The following FLOT1 variants were observed in gnomAD, a reference collection of about 807,000 sequenced individuals.
FLOT1 encodes the protein flotillin 1.
FLOT1 carries 40 observed loss-of-function variants against 58.4 expected under a neutral mutation model. That is an observed-to-expected ratio of 0.69 (90% CI 0.53 to 0.89). The LOEUF (loss-of-function observed/expected upper bound fraction) is 0.89. Ranked by LOEUF, FLOT1 falls within the 40% of genes least tolerant of loss-of-function variation. The pLI is 0.00. For synonymous variants in FLOT1, 178 were observed against 204.2 expected (o/e 0.87, Z 1.09); for missense variants, 423 against 540.8 (o/e 0.78, Z 2.16).
At position 30,737,226 on chromosome 6, in the gene FLOT1, G is replaced by GTCCA. The variant is rs1298103754; in HGVS notation, c.723+2931_723+2932insTGGA. Among the ~76,000 whole-genome samples, 181 of 139,818 alleles carry GTCCA rather than the reference G, an allele frequency of 1.3e-3. 3 individuals carry two copies. The East Asian group carries it at 0.021, about 16-fold the overall frequency. 91.7% of individuals were successfully genotyped at this position (139,818 alleles called of 152,430 possible). A position where few individuals can be genotyped will look rare whatever the true frequency, so the allele number is the denominator to read the frequency against. ...CTGTCTGTCGTCCGTCCGTCCGTCC[G>GTCCA]TCCGTCCGTCCGTCCGTCCGTCCAT... is the stretch of plus-strand genomic sequence containing the variant. On this transcript the variant is annotated intron_variant, in intron 8 of 12. Coordinates refer to ENST00000376389, the MANE Select transcript of FLOT1 (RefSeq NM_005803.4). This position sits in a 1 kb window ranked among gnomAD's most constrained non-coding sequence, Gnocchi z 4.4.
chr6:30,740,834 G>A, intron 5 of FLOT1, 36 bp from the exon 6 acceptor site: 1 of 1,314,028 alleles, frequency 7.6e-7, no homozygotes, highest in Non-Finnish European at 9.9e-7. Context: ...AGGGATGTAA[G>A]TTTTTTTTTT....
chr6:30,740,931 C>A, intron 5 of FLOT1, 133 bp from the exon 6 acceptor site: 2 of 1,297,248 alleles, frequency 1.5e-6, no homozygotes, highest in Non-Finnish European at 2.1e-6. Flanking sequence ...GGATTACCGA[C>A]ACCCATCACC....
chr6:30,742,203 G>A lies in FLOT1; in HGVS notation c.-14C>T, dbSNP rs756972325. Reference sequence around the variant, plus strand: ...AGTGAAAAACATGGTTCAGGCTGGAGCTGGAGGAGAGGGAGGGAAAGCCTT... The same window carrying A: ...AGTGAAAAACATGGTTCAGGCTGGAACTGGAGGAGAGGGAGGGAAAGCCTT... On this transcript the variant is annotated splice_region_variant and 5_prime_UTR_variant, in exon 2 of 13. Transcript: ENST00000376389. This position sits in a 1 kb window ranked among gnomAD's most constrained non-coding sequence, Gnocchi z 5.2. 6.2e-7 allele frequency: 1 copy of A among 1,612,966 alleles called. No individual in the cohort carries two copies.
At position 30,742,639 on chromosome 6, in the gene FLOT1, C is replaced by G. The variant is rs1778095872; in HGVS notation, c.-127G>C. On this transcript the variant is annotated 5_prime_UTR_variant, in exon 1 of 13. Transcript: ENST00000376389. This position sits in a 1 kb window ranked among gnomAD's most constrained non-coding sequence, Gnocchi z 5.2. The stretch of plus-strand genomic sequence containing the variant: ...AGACCAGCTTTCCTGGGAGCTGGCC[C>G]CGCTCCCGCGTTCCCCACCCTGCCG... 1 of 180,206 alleles carries G rather than the reference C, an allele frequency of 5.5e-6. No individual in the cohort carries two copies. The highest frequency in any genetic ancestry group is 1.0e-4 in the South Asian group (1 of 9,532). The allele number at this position is 180,206 out of a possible 1,614,324, so 11.2% of individuals were successfully genotyped here.
chr6:30,728,206 C>G, intron 12 of FLOT1, 61 bp from the exon 13 acceptor site: 1 of 1,477,484 alleles, frequency 6.8e-7, no homozygotes, highest in Non-Finnish European at 9.5e-7. Flanking sequence ...GGCCCCTACT[C>G]TCCCGGGCCC....
At chr6:30,728,876 G>A (rs569335737) in intron 12 of FLOT1, among the ~76,000 whole-genome samples, 14 of 150,282 alleles carry the variant, frequency 9.3e-5, no homozygotes, top group Non-Finnish European at 1.9e-4. Flanking sequence ...CTGCCTCCCA[G>A]GTTCACACCA....
chr6:30,731,705 G>A (rs1777218047), intron 8 of FLOT1, among the ~76,000 whole-genome samples: 1 of 152,238 alleles, frequency 6.6e-6, no homozygotes, highest in East Asian at 1.9e-4. Context: ...CTGTTGCTGC[G>A]ATAACCTTAG....
intron 12 of FLOT1, among the ~76,000 whole-genome samples, chr6:30,728,748 T>C (rs74882899): frequency 0.074 from 11,162 of 151,674 alleles, 659 homozygotes; most frequent in African/African-American, 0.16. Flanking sequence ...GGATTACAAG[T>C]GTGAGCCACA....
chr6:30,740,255 A>G lies in FLOT1; in HGVS notation c.626T>C (p.Met209Thr), dbSNP rs529017532. 2 of 1,612,960 alleles carry G rather than the reference A, an allele frequency of 1.2e-6. No individual in the cohort carries two copies. Among genetic ancestry groups the G allele is most frequent in the African/African-American group, 2.7e-5 (2 of 75,006 alleles). The change falls in exon 8 of 13, where the codon ATG (methionine) becomes ACG (threonine). Residue 209 changes from methionine to threonine, a missense_variant. By Grantham distance (81) the Met-to-Thr change is moderately conservative (BLOSUM62 -1). Around this residue, in one of 6 missense-constraint regions of FLOT1, gnomAD observed 137 missense variants for 194.6 expected, o/e 0.70. Coordinates refer to ENST00000376389, the MANE Select transcript of FLOT1 (RefSeq NM_005803.4). ...VSAQYLSEIE[M>T]AKAQRDYELK... ...TTCGTAATCTCTCTGTGCCTTGGCCATCTCGATCTCACTCAGGTACTGAGC... is the reference window on the plus strand; with the variant it reads ...TTCGTAATCTCTCTGTGCCTTGGCCGTCTCGATCTCACTCAGGTACTGAGC...
chr6:30,740,498 G>A lies in FLOT1; in HGVS notation c.568C>T (p.Arg190Trp), dbSNP rs139987312. Residue 190 changes from arginine (R) to tryptophan (W), a missense_variant and splice_region_variant, in exon 7 of 13, where the codon CGG becomes TGG. Physicochemically the swap from Arg to Trp is moderately radical, Grantham distance 101 (BLOSUM62 -3). Transcript: ENST00000376389. ...EAEAKRDAGI[R>W]EAKAKQEKVS... Reference sequence around the variant, plus strand: ...TAAGCAACCCCCATCTCTCTCACCCGGATCCCAGCATCTCTCTTGGCCTCT... The same window carrying A: ...TAAGCAACCCCCATCTCTCTCACCCAGATCCCAGCATCTCTCTTGGCCTCT... 133 of 1,612,214 alleles carry A rather than the reference G, an allele frequency of 8.2e-5. No individual in the cohort carries two copies. Among genetic ancestry groups the A allele is most frequent in the African/African-American group, 8.0e-4 (60 of 74,966 alleles).
Position 30,741,751 on chromosome 6 carries a change from G to T in FLOT1, c.119+41C>A. Reference sequence around the variant, plus strand: ...GACAGTAAGAAGAGGAGGAAAAAGAGAAAACGGAGGTCCCCCTTCCCTGGT... The same window carrying T: ...GACAGTAAGAAGAGGAGGAAAAAGATAAAACGGAGGTCCCCCTTCCCTGGT... On this transcript the variant is annotated intron_variant, in intron 3 of 12. Coordinates refer to ENST00000376389, the MANE Select transcript of FLOT1 (RefSeq NM_005803.4). The surrounding 1 kb of genome is among the most constrained non-coding windows in gnomAD (Gnocchi z 5.9). The T allele has an allele frequency of 6.2e-7, 1 of 1,610,842 alleles. No homozygotes were observed. Among genetic ancestry groups the T allele is most frequent in the Non-Finnish European group, 8.5e-7 (1 of 1,178,024 alleles).
At position 30,742,030 on chromosome 6, in the gene FLOT1, G is replaced by T; in HGVS notation, c.43+117C>A. 1 of 1,231,744 alleles carries T rather than the reference G, an allele frequency of 8.1e-7. No homozygotes were observed. Among genetic ancestry groups the T allele is most frequent in the Non-Finnish European group, 1.2e-6 (1 of 846,908 alleles). The allele number at this position is 1,231,744 out of a possible 1,614,324, so 76.3% of individuals were successfully genotyped here. A position where few individuals can be genotyped will look rare whatever the true frequency, so the allele number is the denominator to read the frequency against. On this transcript the variant is annotated intron_variant, in intron 2 of 12. Transcript: ENST00000376389. This position sits in a 1 kb window ranked among gnomAD's most constrained non-coding sequence, Gnocchi z 5.2. Reference sequence around the variant, plus strand: ...TGGGAATCAAACTGGGCAGTTCGTGGCCATCAAGGGGCAGAAGTCTGGTGC... The same window carrying T: ...TGGGAATCAAACTGGGCAGTTCGTGTCCATCAAGGGGCAGAAGTCTGGTGC...
chr6:30,738,884 A>G (rs1204857095), intron 8 of FLOT1, among the ~76,000 whole-genome samples: 2 of 152,230 alleles, frequency 1.3e-5, no homozygotes, highest in Non-Finnish European at 2.9e-5. Flanking sequence ...TTACGGTATG[A>G]GAGCTGAAAC....
At chr6:30,728,693 C>G (rs1776923443) in intron 12 of FLOT1, among the ~76,000 whole-genome samples, 1 of 151,974 alleles carries the variant, frequency 6.6e-6, no homozygotes, top group African/African-American at 2.4e-5. Flanking sequence ...TGATCTCAAA[C>G]TTCTGACCTC....
rs746751870 is a variant in FLOT1 at position 30,730,572 on chromosome 6, G to A, written c.952-7C>T. On this transcript the variant is annotated splice_region_variant and splice_polypyrimidine_tract_variant and intron_variant, in intron 10 of 12. Transcript: ENST00000376389. ...CCTCAGCTTCCCCACGCATCTGAGG[G>A]TTAAGGATGCTTGTGAGATTGACGG... 1.2e-6 allele frequency: 2 copies of A among 1,613,190 alleles called. No homozygotes were observed. Among genetic ancestry groups the A allele is most frequent in the Non-Finnish European group, 1.7e-6 (2 of 1,179,338 alleles).
At position 30,728,105 on chromosome 6, in the gene FLOT1, G is replaced by C; in HGVS notation, c.*11C>G. ...CAGCTATGAGGCTGGGCATCTGTGA[G>C]GGCTGAAGGCTCAGGCTGTTCTCAA... is the stretch of plus-strand genomic sequence containing the variant. On this transcript the variant is annotated 3_prime_UTR_variant, in exon 13 of 13. Coordinates refer to ENST00000376389, the MANE Select transcript of FLOT1 (RefSeq NM_005803.4). 1 of 1,612,716 alleles carries C rather than the reference G, an allele frequency of 6.2e-7. No homozygotes were observed. Among genetic ancestry groups the C allele is most frequent in the African/African-American group, 1.3e-5 (1 of 75,036 alleles).
At chr6:30,736,940 C>G (rs998250998) in intron 8 of FLOT1, among the ~76,000 whole-genome samples, 1 of 151,886 alleles carries the variant, frequency 6.6e-6, no homozygotes, top group Non-Finnish European at 1.5e-5. Flanking sequence ...AGACTGATCC[C>G]TATACAAATA....
At chr6:30,734,909 A>C (rs1777458025) in intron 8 of FLOT1, among the ~76,000 whole-genome samples, 1 of 152,046 alleles carries the variant, frequency 6.6e-6, no homozygotes, top group Non-Finnish European at 1.5e-5. Flanking sequence ...ACGGGGTTTC[A>C]CCATGTTGGC....
Position 30,727,881 on chromosome 6 carries a change from T to G in FLOT1, c.*235A>C. ...TTAAATAAGTTGAGGTGGGGTGGAG[T>G]GGGATCATCAGAAGGCTGACATGGG... On this transcript the variant is annotated 3_prime_UTR_variant, in exon 13 of 13. Coordinates refer to ENST00000376389, the MANE Select transcript of FLOT1 (RefSeq NM_005803.4). 1 of 597,412 alleles carries G rather than the reference T, an allele frequency of 1.7e-6. No individual in the cohort carries two copies. Among genetic ancestry groups the G allele is most frequent in the Admixed American group, 2.9e-5 (1 of 35,082 alleles). 37.0% of individuals were successfully genotyped at this position (597,412 alleles called of 1,614,324 possible).
Sources: gnomAD v4.1 joint callset for allele counts (sites outside exome capture counted in the v4.1 genomes callset) on GRCh38, gnomAD v4.1.1 for gene constraint, gnomAD v4.1.1 regional missense constraint, Gnocchi (gnomAD v3.1) non-coding constraint, MANE v1.5 for transcripts, NCBI Gene and HGNC (gene_info 2026-07-23, HGNC 2026-07-21) for gene names.